EYS: variants seen among roughly 807,000 people sequenced by gnomAD.
The protein encoded by EYS is protein eyes shut homolog.
Under a neutral mutation model 282.1 loss-of-function variants are expected in EYS, and 250 were observed. The ratio of observed to expected loss-of-function variants is 0.89; its 90% confidence interval spans 0.80 to 0.98. The LOEUF (loss-of-function observed/expected upper bound fraction) is 0.98. EYS is among the 50% of genes least tolerant of loss of function. The probability of loss-of-function intolerance (pLI) is 0.00; values close to 1 mark genes in which losing one functional copy is unlikely to be tolerated. For synonymous variants in EYS, 1,355 were observed against 1,282.9 expected (o/e 1.06, Z -1.20); for missense variants, 4,016 against 3,709.0 (o/e 1.08, Z -2.15).
chr6:64,023,268 C>T (rs145323487), intron 33 of EYS, among the ~76,000 whole-genome samples: 1 of 152,214 alleles, frequency 6.6e-6, no homozygotes, highest in Non-Finnish European at 1.5e-5. Context: ...TTGATCGATA[C>T]TTCTCCATTT....
chr6:65,702,754 TAC>T (rs1769725429), intron 1 of EYS, among the ~76,000 whole-genome samples: 1 of 151,844 alleles, frequency 6.6e-6, no homozygotes, highest in African/African-American at 2.4e-5. Context: ...AGTGTATAAA[TAC>T]ATAGATACAT....
rs1295503601 is a variant in EYS, at chr6:64,081,893, A to C, written c.6534T>G (p.Thr2178=). 6.5e-7 allele frequency: 1 copy of C among 1,542,108 alleles called. No homozygotes were observed. Among genetic ancestry groups the C allele is most frequent in the South Asian group, 1.2e-5 (1 of 83,240 alleles). Residue 2178 remains threonine (T), a synonymous_variant, in exon 32 of 43, where the codon ACT becomes ACG. Transcript: ENST00000503581. ...EHNRTVTIYL[T]IKTNSLNGTI... is the part of the protein sequence containing the mutation. ...TTCCATTTAAACTGTTTGTTTTTAT[A>C]GTCAAGTAGATGGTAACAGTTCTGT...
At chr6:64,593,542 T>C (rs751065867) in intron 24 of EYS, among the ~76,000 whole-genome samples, 17 of 152,102 alleles carry the variant, frequency 1.1e-4, no homozygotes, top group Non-Finnish European at 2.2e-4. Flanking sequence ...TATTCTTAAT[T>C]CCTTTAATTT....
chr6:63,966,707 T>G lies in EYS; in HGVS notation c.7055+17676A>C, dbSNP rs1766327541. On this transcript the variant is annotated intron_variant, in intron 35 of 42. Transcript: ENST00000503581. Reference sequence around the variant, plus strand: ...CCTCTCTGTACCTTAGCTTAGCTATTTATACAATGGAGATAACCATAGCTT... The same window carrying G: ...CCTCTCTGTACCTTAGCTTAGCTATGTATACAATGGAGATAACCATAGCTT... Among the ~76,000 whole-genome samples, 3 of 152,192 alleles carry G rather than the reference T, an allele frequency of 2.0e-5. No homozygotes were observed. The South Asian group carries it at 6.2e-4, about 31-fold the overall frequency.
intron 30 of EYS, among the ~76,000 whole-genome samples, chr6:64,301,393 T>G (rs1769228119): frequency 6.6e-6 from 1 of 152,278 alleles, no homozygotes; most frequent in African/African-American, 2.4e-5. Context: ...GCAACAAGAT[T>G]GCATAGACCC....
intron 31 of EYS, among the ~76,000 whole-genome samples, chr6:64,229,705 A>G (rs998227062): frequency 4.9e-5 from 7 of 143,582 alleles, no homozygotes; most frequent in African/African-American, 1.9e-4. Flanking sequence ...GGGTGGAATA[A>G]CACACATGCA....
intron 22 of EYS, among the ~76,000 whole-genome samples, chr6:64,810,350 CAT>C (rs568718025): frequency 5.9e-4 from 90 of 152,100 alleles, no homozygotes; most frequent in Non-Finnish European, 1.0e-3. Flanking sequence ...GAATTTATAA[CAT>C]ATAGCATTCA....
chr6:64,894,500 T>G (rs1169005579), intron 18 of EYS, among the ~76,000 whole-genome samples: 3 of 152,048 alleles, frequency 2.0e-5, no homozygotes, highest in African/African-American at 7.2e-5. Flanking sequence ...TAGAATGAAA[T>G]GTATAGTTCT....
intron 29 of EYS, among the ~76,000 whole-genome samples, chr6:64,327,197 AG>A (rs1329004105): frequency 1.3e-5 from 2 of 152,140 alleles, no homozygotes; most frequent in Admixed American, 1.3e-4. Flanking sequence ...TACAGCCCAT[AG>A]GACCAGCTCC....
intron 33 of EYS, among the ~76,000 whole-genome samples, chr6:64,053,979 C>T (rs1770899326): frequency 6.6e-6 from 1 of 152,098 alleles, no homozygotes; most frequent in African/African-American, 2.4e-5. Flanking sequence ...AGTAAGATTT[C>T]TATGGTGAAG....
intron 26 of EYS, among the ~76,000 whole-genome samples, chr6:64,551,644 C>A (rs924968801): frequency 2.0e-5 from 3 of 150,154 alleles, no homozygotes; most frequent in African/African-American, 7.4e-5. Flanking sequence ...TCAAGCTATT[C>A]TCCTGACTCA....
In EYS at chr6:64,617,532, T is replaced by A; in HGVS notation, c.3570A>T (p.Gly1190=). Reference sequence around the variant, plus strand: ...CATTCTCACAGTGGTGTCCAGACCATCCTGTTCAACAAAATTACAAAGCAG... The same window carrying A: ...CATTCTCACAGTGGTGTCCAGACCAACCTGTTCAACAAAATTACAAAGCAG... ...INGYVCKCQP[G]WSGHHCENEL... The change falls in exon 24 of 43, where the codon GGA becomes GGT. Residue 1190 remains glycine (G), a splice_region_variant and synonymous_variant. Coordinates refer to ENST00000503581, the MANE Select transcript of EYS (RefSeq NM_001142800.2). The A allele has an allele frequency of 3.3e-6, 5 of 1,531,756 alleles. No individual in the cohort carries two copies. The highest frequency in any genetic ancestry group is 4.4e-6 in the Non-Finnish European group (5 of 1,130,452). 94.9% of individuals were successfully genotyped at this position (1,531,756 alleles called of 1,614,324 possible). A position where few individuals can be genotyped will look rare whatever the true frequency, so the allele number is the denominator to read the frequency against.
intron 33 of EYS, among the ~76,000 whole-genome samples, chr6:64,032,974 T>C (rs1234027023): frequency 6.6e-6 from 1 of 152,148 alleles, no homozygotes; most frequent in African/African-American, 2.4e-5. Context: ...CTCTCTCCTC[T>C]CTTGAGGAGA....
intron 36 of EYS, among the ~76,000 whole-genome samples, chr6:63,840,110 T>G (rs1438625044): frequency 6.6e-6 from 1 of 150,554 alleles, no homozygotes; most frequent in Non-Finnish European, 1.5e-5. Flanking sequence ...TGTAGTGGCA[T>G]GATCTCTGCT....
intron 1 of EYS, among the ~76,000 whole-genome samples, chr6:65,681,440 A>G (rs1371683683): frequency 6.6e-6 from 1 of 152,036 alleles, no homozygotes; most frequent in Non-Finnish European, 1.5e-5. Context: ...AATTAAATCA[A>G]TATCAATATT....
intron 12 of EYS, among the ~76,000 whole-genome samples, chr6:65,077,045 C>G (rs189937636): frequency 1.3e-5 from 2 of 151,932 alleles, no homozygotes; most frequent in Admixed American, 1.3e-4. Context: ...AAAAAGTCAA[C>G]GATTAGTGGG....
chr6:64,488,955 T>C (rs1776654985), intron 26 of EYS, among the ~76,000 whole-genome samples: 1 of 150,972 alleles, frequency 6.6e-6, no homozygotes, highest in Admixed American at 6.6e-5. Context: ...TTTGATATTA[T>C]TTAATCTATT....
At chr6:65,359,518 G>T (rs1409376159) in intron 8 of EYS, among the ~76,000 whole-genome samples, 1 of 151,866 alleles carries the variant, frequency 6.6e-6, no homozygotes, top group Non-Finnish European at 1.5e-5. Flanking sequence ...TAGAAATCTT[G>T]CTTTTCATGA....
At chr6:65,582,452 G>A (rs1764906392) in intron 2 of EYS, among the ~76,000 whole-genome samples, 1 of 152,048 alleles carries the variant, frequency 6.6e-6, no homozygotes, top group Non-Finnish European at 1.5e-5. Context: ...TGTTTATAGA[G>A]GCTTAGGCAG....
Sources: gnomAD v4.1 joint callset for allele counts (sites outside exome capture counted in the v4.1 genomes callset) on GRCh38, gnomAD v4.1.1 for gene constraint, MANE v1.5 for transcripts, NCBI Gene and HGNC (gene_info 2026-07-23, HGNC 2026-07-21) for gene names.